Variants in CACNA2D4 observed in about 807,000 individuals in gnomAD.
CACNA2D4 encodes calcium voltage-gated channel auxiliary subunit alpha2delta 4, also known as voltage-dependent calcium channel subunit alpha-2/delta-4.
A neutral mutation model predicts 163.8 loss-of-function variants in CACNA2D4; 157 were observed. The ratio of observed to expected loss-of-function variants is 0.96; its 90% confidence interval spans 0.84 to 1.09. CACNA2D4 has a LOEUF of 1.09. Ranked by LOEUF, CACNA2D4 falls within the 50% of genes least tolerant of loss-of-function variation. The pLI, the probability that CACNA2D4 is intolerant of heterozygous loss-of-function variation, is 0.00. For missense variants in CACNA2D4, 1,410 were observed against 1,479.9 expected, an observed-to-expected ratio of 0.95 and a Z score of 0.78; for synonymous variants, 598 against 586.9, an observed-to-expected ratio of 1.02 and a Z score of -0.27.
chr12:1,833,111 G>C lies in CACNA2D4; in HGVS notation c.2551+7628C>G, dbSNP rs868569594. Reference sequence around the variant, plus strand: ...AAAATGCATGCCATGAGAATGTGCAGTTTTCAGACTTTTTCAATAGCGGAG... The same window carrying C: ...AAAATGCATGCCATGAGAATGTGCACTTTTCAGACTTTTTCAATAGCGGAG... On this transcript the variant is annotated intron_variant, in intron 26 of 37. Coordinates refer to ENST00000382722, the MANE Select transcript of CACNA2D4 (RefSeq NM_172364.5). This position sits in a 1 kb window ranked among gnomAD's most constrained non-coding sequence, Gnocchi z 4.2. Among the ~76,000 whole-genome samples the C allele has an allele frequency of 6.6e-6, 1 of 152,246 alleles. No individual in the cohort carries two copies. Among genetic ancestry groups the C allele is most frequent in the African/African-American group, 2.4e-5 (1 of 41,464 alleles).
intron 26 of CACNA2D4, chr12:1,835,439 A>ACACT (rs1864817254): frequency 1.3e-5 from 2 of 152,458 alleles, no homozygotes; most frequent in African/African-American, 4.8e-5. Context: ...ACACACACAC[A>ACACT]CACACTCACA....
At position 1,793,191 on chromosome 12, in the gene CACNA2D4, T is replaced by G; in HGVS notation, c.*464A>C. On this transcript the variant is annotated 3_prime_UTR_variant, in exon 38 of 38. Coordinates refer to ENST00000382722, the MANE Select transcript of CACNA2D4 (RefSeq NM_172364.5). Reference sequence around the variant, plus strand: ...GGGGCATATTCTTGCCTTAGCCTCATCTCTGCATTTGGCCTCATTCTGCTG... The same window carrying G: ...GGGGCATATTCTTGCCTTAGCCTCAGCTCTGCATTTGGCCTCATTCTGCTG... The G allele has an allele frequency of 6.2e-6, 1 of 161,132 alleles. No homozygotes were observed. Among genetic ancestry groups the G allele is most frequent in the South Asian group, 1.8e-4 (1 of 5,650 alleles). 10.0% of individuals were successfully genotyped at this position (161,132 alleles called of 1,614,324 possible).
chr12:1,887,710 T>C (rs1013773808), intron 6 of CACNA2D4, among the ~76,000 whole-genome samples: 30 of 152,160 alleles, frequency 2.0e-4, no homozygotes, highest in Non-Finnish European at 1.8e-4. Context: ...AAAATTTGTA[T>C]AGATGCACAG....
chr12:1,817,667 G>A (rs1344707373), intron 26 of CACNA2D4, among the ~76,000 whole-genome samples: 1 of 152,158 alleles, frequency 6.6e-6, no homozygotes, highest in Non-Finnish European at 1.5e-5. Flanking sequence ...TATTTTTTTG[G>A]TGGAGACGGG....
intron 3 of CACNA2D4, among the ~76,000 whole-genome samples, chr12:1,910,187 C>T (rs2154452495): frequency 6.6e-6 from 1 of 152,362 alleles, no homozygotes; most frequent in Admixed American, 6.5e-5. Context: ...GAAAGCAGCC[C>T]ATCGGCAGAG....
At chr12:1,860,464 TA>T (rs1169187674) in intron 18 of CACNA2D4, among the ~76,000 whole-genome samples, 18 of 152,252 alleles carry the variant, frequency 1.2e-4, no homozygotes, top group Admixed American at 1.3e-4. Context: ...CCCATCACGA[TA>T]GCCCCTAAGC....
chr12:1,903,255 G>GA (rs1230911425), intron 6 of CACNA2D4, among the ~76,000 whole-genome samples: 3 of 152,002 alleles, frequency 2.0e-5, no homozygotes, highest in Admixed American at 2.0e-4. Context: ...CTCAAACTAT[G>GA]AAACTACTAA....
At chr12:1,825,007 TGG>T (rs2154446629) in intron 26 of CACNA2D4, among the ~76,000 whole-genome samples, 1 of 152,336 alleles carries the variant, frequency 6.6e-6, no homozygotes, top group East Asian at 1.9e-4. Context: ...CGCATGAACC[TGG>T]GGGCCTTGTT....
intron 26 of CACNA2D4, among the ~76,000 whole-genome samples, chr12:1,817,505 C>T (rs1592668655): frequency 6.6e-6 from 1 of 152,202 alleles, no homozygotes; most frequent in South Asian, 2.1e-4. Context: ...CCCTCTCCCT[C>T]TCTTTCCCCG....
intron 37 of CACNA2D4, 112 bp downstream of exon 37, chr12:1,795,187 C>T (rs1044149165): frequency 3.5e-6 from 3 of 861,528 alleles, no homozygotes; most frequent in Non-Finnish European, 5.6e-6. Context: ...AGCACAGGCA[C>T]AGGTGTGTTC....
chr12:1,824,173 GC>G (rs1261287719), intron 26 of CACNA2D4, among the ~76,000 whole-genome samples: 3 of 152,186 alleles, frequency 2.0e-5, no homozygotes, highest in Admixed American at 6.5e-5. Flanking sequence ...TCAGGGACAG[GC>G]CAGCATGGTC....
chr12:1,875,554 G>T lies in CACNA2D4; in HGVS notation c.1720-217C>A, dbSNP rs886140335. On this transcript the variant is annotated intron_variant, in intron 16 of 37. Transcript: ENST00000382722. The surrounding 1 kb of genome is among the most constrained non-coding windows in gnomAD (Gnocchi z 4.0). ...ACAGATGGTCTCACGGCCTCTGAGTGAATCTTCCCCATGGCAGGGAGCTCC... is the reference window on the plus strand; with the variant it reads ...ACAGATGGTCTCACGGCCTCTGAGTTAATCTTCCCCATGGCAGGGAGCTCC... Among the ~76,000 whole-genome samples, 4 of 152,114 alleles carry T rather than the reference G, an allele frequency of 2.6e-5. No homozygotes were observed. The highest frequency in any genetic ancestry group is 5.9e-5 in the Non-Finnish European group (4 of 68,024).
chr12:1,899,991 G>T (rs1436302664), intron 6 of CACNA2D4, among the ~76,000 whole-genome samples: 1 of 151,940 alleles, frequency 6.6e-6, no homozygotes, highest in African/African-American at 2.4e-5. Flanking sequence ...TAGTTAAGTA[G>T]GCAGAAGACA....
chr12:1,895,785 C>A (rs1170856982), intron 6 of CACNA2D4, among the ~76,000 whole-genome samples: 1 of 152,082 alleles, frequency 6.6e-6, no homozygotes, highest in Non-Finnish European at 1.5e-5. Context: ...CCATGTGCCA[C>A]CACATGGCAC....
chr12:1,909,261 G>C (rs78058350), intron 4 of CACNA2D4, among the ~76,000 whole-genome samples: 2,798 of 152,240 alleles, frequency 0.018, 100 homozygotes, highest in East Asian at 0.12. Context: ...GCGCGATCTC[G>C]GCTCACTGCA....
chr12:1,891,069 G>A (rs372911742), intron 6 of CACNA2D4, among the ~76,000 whole-genome samples: 149 of 152,288 alleles, frequency 9.8e-4, no homozygotes, highest in African/African-American at 3.5e-3. Flanking sequence ...CTGCCCAACA[G>A]CCTGGCCCAC....
intron 32 of CACNA2D4, 126 bp downstream of exon 32, chr12:1,800,260 C>A: frequency 9.0e-7 from 1 of 1,111,650 alleles, no homozygotes; most frequent in Non-Finnish European, 1.3e-6. Context: ...GGATTGTGCC[C>A]TCCTTCCCCG....
intron 4 of CACNA2D4, 79 bp from the exon 5 acceptor site, chr12:1,908,116 G>A: frequency 1.4e-6 from 2 of 1,446,242 alleles, no homozygotes; most frequent in Non-Finnish European, 1.9e-6. Flanking sequence ...AACGGCGCAG[G>A]TGAGAGGACG....
chr12:1,816,220 T>C (rs1425912124), intron 26 of CACNA2D4, among the ~76,000 whole-genome samples: 1 of 152,184 alleles, frequency 6.6e-6, no homozygotes. Context: ...CCTTATGATA[T>C]TATGTTTGCA....
Sources: allele counts gnomAD v4.1 joint callset (sites outside exome capture counted in the v4.1 genomes callset), GRCh38; gene constraint gnomAD v4.1.1; non-coding constraint Gnocchi (gnomAD v3.1); transcripts MANE v1.5; gene names NCBI Gene and HGNC (gene_info 2026-07-23, HGNC 2026-07-21).